SHLD1: variants seen among roughly 807,000 people sequenced by gnomAD.
The protein encoded by SHLD1 is RINN1-REV7-interacting novel NHEJ regulator 3.
Under a neutral mutation model 5.5 loss-of-function variants are expected in SHLD1, and 3 were observed. The observed-to-expected ratio is 0.54, with a 90% confidence interval of 0.25 to 1.40. The LOEUF is 1.40. Ranked by LOEUF, SHLD1 falls within the 40% of genes most tolerant of loss-of-function variation. The pLI is 0.15. For synonymous variants in SHLD1, 92 were observed against 94.3 expected (o/e 0.98, Z 0.14); for missense variants, 210 against 244.4 (o/e 0.86, Z 0.94).
intron 2 of SHLD1, among the ~76,000 whole-genome samples, chr20:5,791,866 T>C (rs2087146492): frequency 6.6e-6 from 1 of 152,184 alleles, no homozygotes; most frequent in African/African-American, 2.4e-5. Flanking sequence ...ACAACACTTG[T>C]TATTTTCTGC....
At chr20:5,850,417 G>C (rs557072728) in intron 2 of SHLD1, among the ~76,000 whole-genome samples, 1 of 151,786 alleles carries the variant, frequency 6.6e-6, no homozygotes, top group Non-Finnish European at 1.5e-5. Flanking sequence ...TCTGCACCTA[G>C]CACTGGGCTT....
intron 2 of SHLD1, among the ~76,000 whole-genome samples, chr20:5,835,762 C>G (rs1382606316): frequency 6.6e-6 from 1 of 152,192 alleles, no homozygotes; most frequent in Non-Finnish European, 1.5e-5. Context: ...CTTCTGGTCT[C>G]TCAATAACCA....
intron 1 of SHLD1, among the ~76,000 whole-genome samples, chr20:5,757,849 C>T (rs987514864): frequency 7.9e-5 from 12 of 152,232 alleles, no homozygotes; most frequent in Middle Eastern, 3.4e-3. Context: ...GTGATCCACC[C>T]GCCTCAGCCT....
chr20:5,792,619 C>T (rs1377555724), intron 2 of SHLD1, among the ~76,000 whole-genome samples: 1 of 150,552 alleles, frequency 6.6e-6, no homozygotes, highest in African/African-American at 2.4e-5. Context: ...AGAGTTTCAC[C>T]ATGTTGGCCA....
chr20:5,805,617 T>C (rs2087363056), intron 2 of SHLD1, among the ~76,000 whole-genome samples: 1 of 152,092 alleles, frequency 6.6e-6, no homozygotes, highest in East Asian at 1.9e-4. Flanking sequence ...GTTTTGCTTT[T>C]TGAGCCAGAG....
intron 2 of SHLD1, among the ~76,000 whole-genome samples, chr20:5,824,250 C>T (rs2087640759): frequency 6.6e-6 from 1 of 152,244 alleles, no homozygotes; most frequent in South Asian, 2.1e-4. Flanking sequence ...TCTTCCACTA[C>T]AGCAAGACCT....
At chr20:5,757,734 C>T (rs991925351) in intron 1 of SHLD1, among the ~76,000 whole-genome samples, 9 of 152,066 alleles carry the variant, frequency 5.9e-5, no homozygotes, top group Non-Finnish European at 1.2e-4. Flanking sequence ...CCCCGAGTAC[C>T]TGGGATTACA....
At chr20:5,842,172 A>C (rs994052596) in intron 2 of SHLD1, among the ~76,000 whole-genome samples, 2 of 152,218 alleles carry the variant, frequency 1.3e-5, no homozygotes, top group African/African-American at 4.8e-5. Context: ...ATACTGTTTC[A>C]AGGATAGCTG....
At chr20:5,792,777 G>A (rs989222149) in intron 2 of SHLD1, among the ~76,000 whole-genome samples, 2 of 152,056 alleles carry the variant, frequency 1.3e-5, no homozygotes, top group Admixed American at 1.3e-4. Context: ...GGGTTCAAGA[G>A]ATTCATGTGC....
At chr20:5,795,486 C>T (rs554115616) in intron 2 of SHLD1, among the ~76,000 whole-genome samples, 1 of 151,392 alleles carries the variant, frequency 6.6e-6, no homozygotes, top group African/African-American at 2.4e-5. Flanking sequence ...GTAATCCCAG[C>T]TACTTGGGAG....
chr20:5,852,820 C>T (rs1303043098), intron 2 of SHLD1, among the ~76,000 whole-genome samples: 1 of 152,130 alleles, frequency 6.6e-6, no homozygotes, highest in Non-Finnish European at 1.5e-5. Flanking sequence ...TTAAAAAAAT[C>T]CTTGAACTAT....
chr20:5,844,916 TC>T (rs2087914653), intron 2 of SHLD1, among the ~76,000 whole-genome samples: 1 of 151,158 alleles, frequency 6.6e-6, no homozygotes, highest in African/African-American at 2.4e-5. Context: ...TGCCTCAGCC[TC>T]CCGAGTAGCT....
chr20:5,837,358 A>G (rs35405552), intron 2 of SHLD1, among the ~76,000 whole-genome samples: 17,025 of 152,150 alleles, frequency 0.11, 1,035 homozygotes, highest in East Asian at 0.22. Flanking sequence ...AGTTTGTTAC[A>G]TAGGTAAATG....
chr20:5,765,759 C>T (rs73069150), intron 1 of SHLD1, among the ~76,000 whole-genome samples: 1,859 of 143,990 alleles, frequency 0.013, 18 homozygotes, highest in South Asian at 0.027. Flanking sequence ...GTATTTTATA[C>T]GCACAAATCC....
chr20:5,813,176 T>C (rs1390874056), intron 2 of SHLD1, among the ~76,000 whole-genome samples: 1 of 151,706 alleles, frequency 6.6e-6, no homozygotes, highest in Non-Finnish European at 1.5e-5. Flanking sequence ...ATGCCTGGTC[T>C]TTAAAGGGCT....
chr20:5,774,897 T>C (rs1386567176), intron 2 of SHLD1, among the ~76,000 whole-genome samples: 1 of 152,208 alleles, frequency 6.6e-6, no homozygotes, highest in Non-Finnish European at 1.5e-5. Flanking sequence ...CTTAGTTCCT[T>C]TAACCTTCCC....
chr20:5,795,284 C>CA (rs1472082790), intron 2 of SHLD1, among the ~76,000 whole-genome samples: 1 of 151,542 alleles, frequency 6.6e-6, no homozygotes, highest in Non-Finnish European at 1.5e-5. Flanking sequence ...CACACACACG[C>CA]AAAACCAAAG....
At chr20:5,786,550 G>C (rs894465783) in intron 2 of SHLD1, among the ~76,000 whole-genome samples, 5 of 151,834 alleles carry the variant, frequency 3.3e-5, no homozygotes, top group Admixed American at 3.3e-4. Flanking sequence ...ACTTTAACCT[G>C]AGTGACAGAA....
At chr20:5,792,582 G>A (rs2087155929) in intron 2 of SHLD1, among the ~76,000 whole-genome samples, 1 of 151,780 alleles carries the variant, frequency 6.6e-6, no homozygotes, top group Non-Finnish European at 1.5e-5. Context: ...ACCACGCCTG[G>A]CTAATTTTTG....
Sources: gnomAD v4.1 joint callset for allele counts (sites outside exome capture counted in the v4.1 genomes callset) on GRCh38, gnomAD v4.1.1 for gene constraint, MANE v1.5 for transcripts, NCBI Gene and HGNC (gene_info 2026-07-23, HGNC 2026-07-21) for gene names.